ZNF519: variants seen among roughly 807,000 people sequenced by gnomAD.
The protein encoded by ZNF519 is similar to Zinc finger protein 85 (Zinc finger protein HPF4) (HTF1).
Under a neutral mutation model 7.4 loss-of-function variants are expected in ZNF519, and 7 were observed. The ratio of observed to expected loss-of-function variants is 0.94; its 90% CI spans 0.54 to 1.77. The LOEUF (loss-of-function observed/expected upper bound fraction) is 1.77, where lower values mean the gene tolerates loss of function less well. ZNF519 is among the 40% of genes most tolerant of loss of function. The pLI, the probability that ZNF519 is intolerant of heterozygous loss-of-function variation, is 0.00. For missense variants in ZNF519, 586 were observed against 623.1 expected (o/e 0.94, Z 0.63); for synonymous variants, 179 against 203.3 (o/e 0.88, Z 1.02).
downstream of ZNF519, among the ~76,000 whole-genome samples, chr18:14,098,020 T>C (rs2046144287): frequency 6.6e-6 from 1 of 152,126 alleles, no homozygotes; most frequent in Admixed American, 6.5e-5. Context: ...GCTCTCATCA[T>C]TGATAACCTC....
At chr18:14,095,940 C>T (rs2046134659), downstream of ZNF519, among the ~76,000 whole-genome samples, 1 of 152,234 alleles carries the variant, frequency 6.6e-6, no homozygotes, top group South Asian at 2.1e-4. Context: ...GCTGACATGG[C>T]CTGTCTGCCA....
intron 2 of ZNF519, among the ~76,000 whole-genome samples, chr18:14,119,151 G>A (rs187880306): frequency 2.4e-3 from 366 of 152,240 alleles, no homozygotes; most frequent in Non-Finnish European, 3.9e-3. Context: ...GACCATCAAA[G>A]GCAGACCCCA....
At chr18:14,087,108 C>A (rs952436662) in intron 2 of ZNF519, among the ~76,000 whole-genome samples, 3 of 152,086 alleles carry the variant, frequency 2.0e-5, no homozygotes, top group Non-Finnish European at 4.4e-5. Context: ...AAAGGTGATA[C>A]ATCAGATTAA....
Position 14,102,370 on chromosome 18 carries a change from A to G in ZNF519, c.*2547T>C, listed in dbSNP as rs1396024059. 1 of 151,996 alleles carries G rather than the reference A, an allele frequency of 6.6e-6. No homozygotes were observed. The highest frequency in any genetic ancestry group is 2.4e-5 in the African/African-American group (1 of 41,356). 9.4% of individuals were successfully genotyped at this position (151,996 alleles called of 1,614,324 possible). A position where few individuals can be genotyped will look rare whatever the true frequency, so the allele number is the denominator to read the frequency against. On this transcript the variant is annotated 3_prime_UTR_variant, in exon 3 of 3. Transcript: ENST00000590202. Reference sequence around the variant, plus strand: ...TTTTGGTAGAGAGAGGGTTTTACTAAGTTGGCTAGGCTAGTCTCGAACTCC... The same window carrying G: ...TTTTGGTAGAGAGAGGGTTTTACTAGGTTGGCTAGGCTAGTCTCGAACTCC...
chr18:14,132,249 C>T (rs928424791), intron 1 of ZNF519, 26 bp downstream of exon 1: 2 of 1,613,696 alleles, frequency 1.2e-6, no homozygotes, highest in Non-Finnish European at 1.7e-6. Flanking sequence ...TCCCCAGTCT[C>T]GGTACGCCCT....
At chr18:14,124,230 C>T in intron 2 of ZNF519, 120 bp downstream of exon 2, 2 of 861,108 alleles carry the variant, frequency 2.3e-6, no homozygotes, top group Non-Finnish European at 1.6e-6. Context: ...CCCATTTTTT[C>T]TTGAAGAAAA....
chr18:14,125,956 G>A (rs2046297184), intron 1 of ZNF519, among the ~76,000 whole-genome samples: 1 of 152,164 alleles, frequency 6.6e-6, no homozygotes, highest in Admixed American at 6.5e-5. Context: ...AAAGTGCTGG[G>A]ATTACAGGCA....
In ZNF519 at chr18:14,101,291, T is replaced by A. The variant is rs1345240058; in HGVS notation, c.*3626A>T. The A allele has an allele frequency of 6.4e-6, 1 of 156,948 alleles. No homozygotes were observed. The highest frequency in any genetic ancestry group is 1.4e-5 in the Non-Finnish European group (1 of 71,408). 9.7% of individuals were successfully genotyped at this position (156,948 alleles called of 1,614,324 possible). On this transcript the variant is annotated 3_prime_UTR_variant, in exon 3 of 3. Coordinates refer to ENST00000590202, the MANE Select transcript of ZNF519 (RefSeq NM_145287.4). ...CCCCACCACGCCTGCACTGATGGAGTCCACCTGCAGGTCTCATCCAGATTT... is the reference window on the plus strand; with the variant it reads ...CCCCACCACGCCTGCACTGATGGAGACCACCTGCAGGTCTCATCCAGATTT...
intron 2 of ZNF519, among the ~76,000 whole-genome samples, chr18:14,114,109 G>A (rs2046235136): frequency 6.6e-6 from 1 of 151,878 alleles, no homozygotes; most frequent in Non-Finnish European, 1.5e-5. Context: ...TTTGTTGATT[G>A]TTTCACTTGC....
chr18:14,119,873 G>T (rs946588892), intron 2 of ZNF519, among the ~76,000 whole-genome samples: 3 of 152,062 alleles, frequency 2.0e-5, no homozygotes, highest in Non-Finnish European at 4.4e-5. Flanking sequence ...TTTAACTGAT[G>T]ATATAAAAAA....
chr18:14,088,073 A>G (rs1380731089), intron 2 of ZNF519, among the ~76,000 whole-genome samples: 1 of 152,154 alleles, frequency 6.6e-6, no homozygotes, highest in Non-Finnish European at 1.5e-5. Flanking sequence ...TATGGACTCC[A>G]GGAGGATAGA....
chr18:14,109,220 C>T (rs1158728962), intron 2 of ZNF519, among the ~76,000 whole-genome samples: 2 of 151,984 alleles, frequency 1.3e-5, no homozygotes, highest in Non-Finnish European at 2.9e-5. Flanking sequence ...TATATTAAGC[C>T]AGTATTATTA....
chr18:14,101,041 A>G lies in ZNF519; in HGVS notation c.*3876T>C, dbSNP rs1299991758. 2 of 152,342 alleles carry G rather than the reference A, an allele frequency of 1.3e-5. No homozygotes were observed. The highest frequency in any genetic ancestry group is 4.8e-5 in the African/African-American group (2 of 41,444). 9.4% of individuals were successfully genotyped at this position (152,342 alleles called of 1,614,324 possible). A position where few individuals can be genotyped will look rare whatever the true frequency, so the allele number is the denominator to read the frequency against. ...AGGCTTCTTAGAACCCCAGTTCCAA[A>G]GAAGCAAACTGAAGCCCACAAATGT... On this transcript the variant is annotated 3_prime_UTR_variant, in exon 3 of 3. Transcript: ENST00000590202.
rs1598516105 is a variant in ZNF519, at chr18:14,106,007, T to C, written c.533A>G (p.Glu178Gly). 1 of 1,578,262 alleles carries C rather than the reference T, an allele frequency of 6.3e-7. No homozygotes were observed. Among genetic ancestry groups the C allele is most frequent in the African/African-American group, 1.4e-5 (1 of 73,394 alleles). The change falls in exon 3 of 3, where the codon GAA (glutamate) becomes GGA (glycine). Residue 178 changes from glutamate (E) to glycine (G), a missense_variant. Transcript: ENST00000590202. Reference sequence around the variant, plus strand: ...ACATTCATTACAATTGTAATAGTTTTCTAGAAAATGAGTACTATGATGTTT... The same window carrying C: ...ACATTCATTACAATTGTAATAGTTTCCTAGAAAATGAGTACTATGATGTTT... ...ISKHHSTHFLENYYNCNECEK... is the reference protein window; with the variant it reads ...ISKHHSTHFLGNYYNCNECEK...
At chr18:14,081,801 T>C (rs2046071572) in intron 3 of ZNF519, among the ~76,000 whole-genome samples, 3 of 152,106 alleles carry the variant, frequency 2.0e-5, no homozygotes, top group Admixed American at 2.0e-4. Context: ...GAAAATCGAA[T>C]TAATCCTTAT....
At chr18:14,097,697 A>G (rs2046142670), downstream of ZNF519, among the ~76,000 whole-genome samples, 2 of 152,192 alleles carry the variant, frequency 1.3e-5, no homozygotes, top group African/African-American at 4.8e-5. Flanking sequence ...AGGACTGGCA[A>G]GTAAGAAGTT....
At position 14,108,359 on chromosome 18, in the gene ZNF519, C is replaced by T. The variant is rs142331229; in HGVS notation, c.131-1950G>A. Among the ~76,000 whole-genome samples, 252 of 152,182 alleles carry T rather than the reference C, an allele frequency of 1.7e-3. 1 individual carries two copies. Among genetic ancestry groups the T allele is most frequent in the Non-Finnish European group, 2.9e-3 (196 of 68,032 alleles). ...CTCTATTAGTTCTTTGAGAATGATT[C>T]CTTTTAATCAATTGAATGGTGCCTT... On this transcript the variant is annotated intron_variant, in intron 2 of 2. Transcript: ENST00000590202.
intron 2 of ZNF519, among the ~76,000 whole-genome samples, chr18:14,120,201 A>G (rs965688254): frequency 5.9e-5 from 9 of 152,078 alleles, no homozygotes; most frequent in Non-Finnish European, 1.3e-4. Flanking sequence ...AAAAACAGAT[A>G]CAAAAACCAA....
At position 14,106,282 on chromosome 18, in the gene ZNF519, T is replaced by C; in HGVS notation, c.258A>G (p.Glu86=). ...LENICLWKNW[E]SIGEGEGQKE... ...TTTGTCCTTCACCTTCACCTATACT[T>C]TCCCAGTTTTTCCATAAGCATATAT... Residue 86 remains glutamate (E), a synonymous_variant, in exon 3 of 3, where the codon GAA becomes GAG. Coordinates refer to ENST00000590202, the MANE Select transcript of ZNF519 (RefSeq NM_145287.4). 1.2e-6 allele frequency: 2 copies of C among 1,613,470 alleles called. No homozygotes were observed. Among genetic ancestry groups the C allele is most frequent in the South Asian group, 1.1e-5 (1 of 91,034 alleles).
Sources: allele counts gnomAD v4.1 joint callset (sites outside exome capture counted in the v4.1 genomes callset), GRCh38; gene constraint gnomAD v4.1.1; transcripts MANE v1.5; gene names NCBI Gene and HGNC (gene_info 2026-07-23, HGNC 2026-07-21).